The following MAGI2 variants were observed in gnomAD, a reference collection of about 807,000 sequenced individuals.
MAGI2 encodes membrane associated guanylate kinase, WW and PDZ domain containing 2.
In MAGI2, 35 loss-of-function variants were observed where a neutral mutation model predicts 133.3. That is an observed-to-expected ratio of 0.26 (90% CI 0.20 to 0.35). The LOEUF (loss-of-function observed/expected upper bound fraction) is 0.35, where lower values mean the gene tolerates loss of function less well. Among genes scored for constraint, MAGI2 ranks in the 10% least tolerant of loss-of-function variants. The pLI is 1.00. For missense variants in MAGI2, 1,636 were observed against 1,863.4 expected, an observed-to-expected ratio of 0.88 and a Z score of 2.25; for synonymous variants, 729 against 710.6, an observed-to-expected ratio of 1.03 and a Z score of -0.41.
At chr7:79,309,751 C>G (rs1430543637) in intron 1 of MAGI2, among the ~76,000 whole-genome samples, 1 of 151,492 alleles carries the variant, frequency 6.6e-6, no homozygotes, top group African/African-American at 2.4e-5. Context: ...AAAAAAATCC[C>G]TTATGTATAC....
At chr7:78,856,010 A>G (rs995595176) in intron 2 of MAGI2, among the ~76,000 whole-genome samples, 16 of 150,506 alleles carry the variant, frequency 1.1e-4, no homozygotes, top group Non-Finnish European at 2.1e-4. Context: ...GGCCAGTGAC[A>G]AGCATTTTTT....
At chr7:78,652,091 C>A (rs1175897236) in intron 2 of MAGI2, among the ~76,000 whole-genome samples, 2 of 152,088 alleles carry the variant, frequency 1.3e-5, no homozygotes, top group Non-Finnish European at 2.9e-5. Context: ...GTTAATGGGG[C>A]AGCCATTGTT....
chr7:78,906,213 G>A (rs1315679325), intron 2 of MAGI2, among the ~76,000 whole-genome samples: 2 of 152,160 alleles, frequency 1.3e-5, no homozygotes, highest in East Asian at 3.8e-4. Context: ...CACTATAATC[G>A]TGGGAACACC....
At chr7:78,954,231 T>C (rs1014530785) in intron 2 of MAGI2, among the ~76,000 whole-genome samples, 1 of 152,162 alleles carries the variant, frequency 6.6e-6, no homozygotes, top group Non-Finnish European at 1.5e-5. Flanking sequence ...CTACTTCTTA[T>C]GGAGAACCCC....
At chr7:79,351,084 A>T (rs1013908962) in intron 1 of MAGI2, among the ~76,000 whole-genome samples, 1 of 152,186 alleles carries the variant, frequency 6.6e-6, no homozygotes, top group African/African-American at 2.4e-5. Flanking sequence ...TTGATTCTAA[A>T]ACCAGGAAAA....
intron 6 of MAGI2, among the ~76,000 whole-genome samples, chr7:78,414,065 A>T (rs1039629435): frequency 8.6e-5 from 13 of 152,044 alleles, no homozygotes; most frequent in African/African-American, 3.1e-4. Context: ...AATATTAACC[A>T]GAGGTGCAAA....
intron 1 of MAGI2, among the ~76,000 whole-genome samples, chr7:79,452,226 C>T (rs895575999): frequency 1.3e-5 from 2 of 152,136 alleles, no homozygotes; most frequent in Non-Finnish European, 2.9e-5. Flanking sequence ...CCATTCATCT[C>T]CTCCGACAAC....
intron 1 of MAGI2, among the ~76,000 whole-genome samples, chr7:79,161,813 A>G (rs960385624): frequency 2.0e-5 from 3 of 152,124 alleles, no homozygotes; most frequent in Non-Finnish European, 4.4e-5. Flanking sequence ...TTTTATGACA[A>G]TATAGTTGTT....
chr7:78,807,408 T>G (rs775116332), intron 2 of MAGI2, among the ~76,000 whole-genome samples: 50 of 152,202 alleles, frequency 3.3e-4, no homozygotes, highest in Non-Finnish European at 6.2e-4. Flanking sequence ...TCTGAATCTC[T>G]TTAATGTCTG....
intron 1 of MAGI2, among the ~76,000 whole-genome samples, chr7:79,279,955 T>C (rs558101984): frequency 1.0e-3 from 156 of 152,318 alleles, no homozygotes; most frequent in African/African-American, 3.6e-3. Flanking sequence ...GTGATGACAT[T>C]GAATGCATAT....
At chr7:78,758,924 A>G (rs1396249199) in intron 2 of MAGI2, among the ~76,000 whole-genome samples, 53 of 152,140 alleles carry the variant, frequency 3.5e-4, no homozygotes, top group Non-Finnish European at 1.5e-5. Flanking sequence ...GTCACATTCA[A>G]ATAATTTGTT....
At chr7:78,598,057 A>T (rs1449968270) in intron 3 of MAGI2, among the ~76,000 whole-genome samples, 1 of 152,192 alleles carries the variant, frequency 6.6e-6, no homozygotes, top group African/African-American at 2.4e-5. Flanking sequence ...TCTTCCTGGG[A>T]TGGTCCTCAA....
At chr7:78,986,681 C>T (rs1035453483) in intron 2 of MAGI2, among the ~76,000 whole-genome samples, 1 of 151,866 alleles carries the variant, frequency 6.6e-6, no homozygotes, top group African/African-American at 2.4e-5. Flanking sequence ...GCTACCATGC[C>T]CGGCCATATA....
At chr7:78,032,329 C>A (rs2151063823) in intron 21 of MAGI2, among the ~76,000 whole-genome samples, 1 of 152,280 alleles carries the variant, frequency 6.6e-6, no homozygotes, top group South Asian at 2.1e-4. Flanking sequence ...ATCCTCCTGC[C>A]TCAGCCTCCC....
At chr7:79,250,936 C>T (rs2129555658) in intron 1 of MAGI2, among the ~76,000 whole-genome samples, 1 of 152,144 alleles carries the variant, frequency 6.6e-6, no homozygotes, top group East Asian at 1.9e-4. Context: ...CAAATCCATA[C>T]ATCTACAGTG....
At position 79,439,388 on chromosome 7, in the gene MAGI2, A is replaced by C. The variant is rs1053789962; in HGVS notation, c.301+13632T>G. Among the ~76,000 whole-genome samples the C allele has an allele frequency of 2.0e-5, 3 of 152,060 alleles. No individual in the cohort carries two copies. In the East Asian group the frequency reaches 5.8e-4, roughly 29 times the overall value. On this transcript the variant is annotated intron_variant, in intron 1 of 21. Coordinates refer to ENST00000354212, the MANE Select transcript of MAGI2 (RefSeq NM_012301.4). ...GCTCAGAAAATGTTAGTCCCATCAT[A>C]AGGAAGCGATAGCCATAGACTTGGA... is the stretch of plus-strand genomic sequence containing the variant.
At chr7:78,860,798 G>A (rs1188604392) in intron 2 of MAGI2, among the ~76,000 whole-genome samples, 6 of 152,196 alleles carry the variant, frequency 3.9e-5, no homozygotes, top group Non-Finnish European at 8.8e-5. Flanking sequence ...TAAGTCTGCA[G>A]AAGTTTCTTC....
chr7:79,305,997 T>C lies in MAGI2; in HGVS notation c.301+147023A>G, dbSNP rs1837759511. 2.6e-5 allele frequency among the ~76,000 whole-genome samples: 4 copies of C among 150,946 alleles called. No individual in the cohort carries two copies. The South Asian group carries it at 8.3e-4, about 31-fold the overall frequency. On this transcript the variant is annotated intron_variant, in intron 1 of 21. Coordinates refer to ENST00000354212, the MANE Select transcript of MAGI2 (RefSeq NM_012301.4). ...ACATATTCCTGTAGTATCTTTTTTT[T>C]TTTTTTCCTTTTTGGAGACGAGGCA...
intron 18 of MAGI2, among the ~76,000 whole-genome samples, chr7:78,130,649 G>A (rs1308483986): frequency 6.6e-6 from 1 of 152,220 alleles, no homozygotes; most frequent in Non-Finnish European, 1.5e-5. Flanking sequence ...AAACCCGAGT[G>A]GCAGTAAAGG....
Sources: allele counts gnomAD v4.1 joint callset (sites outside exome capture counted in the v4.1 genomes callset), GRCh38; gene constraint gnomAD v4.1.1; transcripts MANE v1.5; gene names NCBI Gene and HGNC (gene_info 2026-07-23, HGNC 2026-07-21).